ALDH18A1: variants seen among roughly 807,000 people sequenced by gnomAD.
The protein encoded by ALDH18A1 is aldehyde dehydrogenase 18 family member A1, also known as delta-1-pyrroline-5-carboxylate synthase.
Under a neutral mutation model 88.8 loss-of-function variants are expected in ALDH18A1, and 44 were observed. The ratio of observed to expected loss-of-function variants is 0.50; its 90% CI spans 0.39 to 0.64. The LOEUF (loss-of-function observed/expected upper bound fraction) is 0.64, where lower values mean the gene tolerates loss of function less well. Among genes scored for constraint, ALDH18A1 ranks in the 30% least tolerant of loss-of-function variants. The probability of loss-of-function intolerance (pLI) is 0.00; values close to 1 mark genes in which losing one functional copy is unlikely to be tolerated. For synonymous variants in ALDH18A1, 331 were observed against 372.1 expected (o/e 0.89, Z 1.27); for missense variants, 782 against 1,009.5 (o/e 0.77, Z 3.05).
At chr10:95,638,490 A>T (rs979799049) in intron 3 of ALDH18A1, among the ~76,000 whole-genome samples, 2 of 152,210 alleles carry the variant, frequency 1.3e-5, no homozygotes, top group Non-Finnish European at 2.9e-5. Context: ...GGGAGTGTGT[A>T]ATGCAGAAGG....
At position 95,633,062 on chromosome 10, in the gene ALDH18A1, T is replaced by C. The variant is rs772341714; in HGVS notation, c.718-13A>G. ...TAACACTAATAACCTAGAATGCAGA[T>C]TAAAAAGTCATAAGTGAGTGAGCTA... On this transcript the variant is annotated splice_polypyrimidine_tract_variant and intron_variant, in intron 6 of 17. Coordinates refer to ENST00000371224, the MANE Select transcript of ALDH18A1 (RefSeq NM_002860.4). 1.2e-6 allele frequency: 2 copies of C among 1,608,614 alleles called. No homozygotes were observed. The highest frequency in any genetic ancestry group is 1.7e-6 in the Non-Finnish European group (2 of 1,175,122).
Position 95,637,812 on chromosome 10 carries a change from T to A in ALDH18A1, c.304-376A>T, listed in dbSNP as rs892731159. On this transcript the variant is annotated intron_variant, in intron 3 of 17. Transcript: ENST00000371224. ...GGCAAGACCCAATCTCTACAAAAAG[T>A]ACAAAATTTAGCCAGGCATGGTAGT... Among the ~76,000 whole-genome samples, 12 of 151,808 alleles carry A rather than the reference T, an allele frequency of 7.9e-5. 1 individual carries two copies. The highest frequency in any genetic ancestry group is 2.0e-4 in the Admixed American group (3 of 15,248).
rs754112599 is a variant in ALDH18A1 at position 95,627,526 on chromosome 10, G to A, written c.994C>T (p.His332Tyr). ...ATGACGTGCCCAGACACCTTTGGGT[G>A]GGTTCCATTGGCAATAACAACAGAA... The part of the protein sequence containing the change: ...GTSVVIANGT[H>Y]PKVSGHVITD... Residue 332 changes from histidine (H) to tyrosine (Y), a missense_variant, in exon 9 of 18, where the codon CAC becomes TAC. Coordinates refer to ENST00000371224, the MANE Select transcript of ALDH18A1 (RefSeq NM_002860.4). The A allele has an allele frequency of 1.1e-5, 18 of 1,614,036 alleles. 1 individual carries two copies. In the South Asian group the frequency reaches 1.8e-4, roughly 16 times the overall value.
At chr10:95,633,810 TTC>T (rs2097875399) in intron 5 of ALDH18A1, among the ~76,000 whole-genome samples, 161 bp from the exon 6 acceptor site, 1 of 135,530 alleles carries the variant, frequency 7.4e-6, no homozygotes, top group Admixed American at 7.2e-5. Context: ...TGCTATCCAA[TTC>T]TTTTTTTTTT....
At chr10:95,621,643 T>C (rs1278637097) in intron 11 of ALDH18A1, among the ~76,000 whole-genome samples, 2 of 152,028 alleles carry the variant, frequency 1.3e-5, no homozygotes, top group Admixed American at 1.3e-4. Context: ...TTACTGAACA[T>C]GTGGGACTGC....
intron 11 of ALDH18A1, among the ~76,000 whole-genome samples, chr10:95,622,583 G>T: frequency 6.6e-6 from 1 of 152,136 alleles, no homozygotes. Flanking sequence ...TGTCGCCCAG[G>T]CTGGAGTGCA....
chr10:95,619,538 C>T lies in ALDH18A1; in HGVS notation c.1467+1493G>A, dbSNP rs532379279. Among the ~76,000 whole-genome samples the T allele has an allele frequency of 7.9e-5, 12 of 152,178 alleles. No homozygotes were observed. In the East Asian group the frequency reaches 2.1e-3, roughly 27 times the overall value. Reference sequence around the variant, plus strand: ...CATCATGCTACCTGACTTCAAACTACACTACAAGGCTACAGTAACCAAAAC... The same window carrying T: ...CATCATGCTACCTGACTTCAAACTATACTACAAGGCTACAGTAACCAAAAC... On this transcript the variant is annotated intron_variant, in intron 12 of 17. Coordinates refer to ENST00000371224, the MANE Select transcript of ALDH18A1 (RefSeq NM_002860.4).
At chr10:95,653,751 C>T (rs2097913921) in intron 1 of ALDH18A1, among the ~76,000 whole-genome samples, 1 of 152,168 alleles carries the variant, frequency 6.6e-6, no homozygotes, top group Admixed American at 6.5e-5. Context: ...CATATAATTC[C>T]TGTAACAGAT....
intron 2 of ALDH18A1, among the ~76,000 whole-genome samples, chr10:95,645,643 CA>C (rs2097900070): frequency 6.6e-6 from 1 of 152,088 alleles, no homozygotes; most frequent in Admixed American, 6.6e-5. Context: ...AACCGTTTTT[CA>C]AGTGACTATG....
chr10:95,606,554 T>C lies in ALDH18A1; in HGVS notation c.*208A>G. 1.4e-6 allele frequency: 2 copies of C among 1,451,126 alleles called. No homozygotes were observed. Among genetic ancestry groups the C allele is most frequent in the Non-Finnish European group, 1.8e-6 (2 of 1,108,426 alleles). 89.9% of individuals were successfully genotyped at this position (1,451,126 alleles called of 1,614,324 possible). ...TCCCTATCGGTAGCAACTATTTTCT[T>C]ACTTTAAAAAAAAAGGGTGAGCTGG... On this transcript the variant is annotated 3_prime_UTR_variant, in exon 18 of 18. Coordinates refer to ENST00000371224, the MANE Select transcript of ALDH18A1 (RefSeq NM_002860.4).
chr10:95,609,663 C>T (rs2097829391), intron 17 of ALDH18A1, among the ~76,000 whole-genome samples: 1 of 152,106 alleles, frequency 6.6e-6, no homozygotes, highest in Non-Finnish European at 1.5e-5. Context: ...CAAGTACCTG[C>T]CTTCTTAGCA....
At chr10:95,638,661 G>A (rs1210457267) in intron 3 of ALDH18A1, among the ~76,000 whole-genome samples, 1 of 152,064 alleles carries the variant, frequency 6.6e-6, no homozygotes, top group East Asian at 1.9e-4. Context: ...CCTACACCAG[G>A]GGCACATGCT....
At chr10:95,610,096 T>C in intron 17 of ALDH18A1, 101 bp downstream of exon 17, 1 of 1,126,892 alleles carries the variant, frequency 8.9e-7, no homozygotes, top group African/African-American at 1.5e-5. Context: ...TGACCAAGCA[T>C]GTGACAGTCA....
At chr10:95,631,886 T>C (rs2097870596) in intron 7 of ALDH18A1, among the ~76,000 whole-genome samples, 1 of 152,130 alleles carries the variant, frequency 6.6e-6, no homozygotes, top group African/African-American at 2.4e-5. Flanking sequence ...AAAAGTCTTT[T>C]AAACAGAGTT....
chr10:95,610,133 A>G (rs2097830967), intron 17 of ALDH18A1, 64 bp downstream of exon 17: 1 of 1,505,588 alleles, frequency 6.6e-7, no homozygotes, highest in Non-Finnish European at 9.2e-7. Context: ...CCACCTCAAC[A>G]TACCCCTAGA....
intron 3 of ALDH18A1, among the ~76,000 whole-genome samples, 153 bp downstream of exon 3, chr10:95,642,839 G>A (rs1204610422): frequency 2.6e-5 from 4 of 152,274 alleles, no homozygotes; most frequent in African/African-American, 4.8e-5. Context: ...TCTCACTGGC[G>A]TCTACAGTGG....
At chr10:95,615,719 T>A (rs191718987) in intron 13 of ALDH18A1, among the ~76,000 whole-genome samples, 60 of 151,936 alleles carry the variant, frequency 3.9e-4, no homozygotes, top group African/African-American at 1.4e-3. Flanking sequence ...TTTGTAGACA[T>A]CCTCCCAGTA....
At chr10:95,609,004 T>C (rs1029256635) in intron 17 of ALDH18A1, among the ~76,000 whole-genome samples, 3 of 152,142 alleles carry the variant, frequency 2.0e-5, no homozygotes, top group African/African-American at 4.8e-5. Context: ...GCCTCCCGAG[T>C]AGCTGGGATT....
rs1461185739 is a variant in ALDH18A1, at chr10:95,630,111, C to CT, written c.809-1620dup. Among the ~76,000 whole-genome samples the CT allele has an allele frequency of 8.6e-5, 7 of 81,610 alleles. No individual in the cohort carries two copies. In the South Asian group the frequency reaches 1.8e-3, roughly 21 times the overall value. 53.5% of individuals were successfully genotyped at this position (81,610 alleles called of 152,430 possible). On this transcript the variant is annotated intron_variant, in intron 7 of 17. Coordinates refer to ENST00000371224, the MANE Select transcript of ALDH18A1 (RefSeq NM_002860.4). Reference sequence around the variant, plus strand: ...TAAACTAAAAAAAATATTTCTTCTTCTTTCCCCCCCCTCTCCCAACAGGGT... The same window carrying CT: ...TAAACTAAAAAAAATATTTCTTCTTCTTTTCCCCCCCCTCTCCCAACAGGGT...
Sources: allele counts gnomAD v4.1 joint callset (sites outside exome capture counted in the v4.1 genomes callset), GRCh38; gene constraint gnomAD v4.1.1; transcripts MANE v1.5; gene names NCBI Gene and HGNC (gene_info 2026-07-23, HGNC 2026-07-21).